Variants in FHIP1A observed in about 807,000 individuals in gnomAD.
FHIP1A encodes the protein FHF complex subunit HOOK interacting protein 1A, also known as FHF complex subunit HOOK-interacting protein 1A.
In FHIP1A, 61 loss-of-function variants were observed where a neutral mutation model predicts 88.6. The ratio of observed to expected loss-of-function variants is 0.69; its 90% CI spans 0.56 to 0.85. FHIP1A has a LOEUF of 0.85. Among genes scored for constraint, FHIP1A ranks in the 40% least tolerant of loss-of-function variants. FHIP1A has a pLI of 0.00. For missense variants in FHIP1A, 1,154 were observed against 1,273.5 expected, an observed-to-expected ratio of 0.91 and a Z score of 1.43; for synonymous variants, 478 against 496.0, an observed-to-expected ratio of 0.96 and a Z score of 0.48.
At chr4:151,524,351 C>G (rs1329933828) in intron 3 of FHIP1A, among the ~76,000 whole-genome samples, 1 of 151,950 alleles carries the variant, frequency 6.6e-6, no homozygotes, top group South Asian at 2.1e-4. Flanking sequence ...TCCTTGCCAT[C>G]CCTCTTAGAT....
chr4:151,513,532 A>C (rs1731114307), intron 3 of FHIP1A, among the ~76,000 whole-genome samples: 1 of 152,210 alleles, frequency 6.6e-6, no homozygotes, highest in Admixed American at 6.5e-5. Context: ...GTCAAGACCC[A>C]TCAGTGTGTT....
chr4:151,633,650 A>T (rs1736238588), intron 8 of FHIP1A, among the ~76,000 whole-genome samples: 1 of 151,968 alleles, frequency 6.6e-6, no homozygotes, highest in Admixed American at 6.6e-5. Context: ...ATACTTCACC[A>T]TATGAAAGTC....
intron 1 of FHIP1A, among the ~76,000 whole-genome samples, chr4:151,438,696 C>T (rs984375988): frequency 2.0e-5 from 3 of 148,778 alleles, no homozygotes; most frequent in African/African-American, 5.0e-5. Flanking sequence ...GGCTGGAGTG[C>T]GGTGGCATGA....
At chr4:151,453,156 C>T (rs1728854254) in intron 1 of FHIP1A, among the ~76,000 whole-genome samples, 1 of 151,720 alleles carries the variant, frequency 6.6e-6, no homozygotes. Flanking sequence ...AGCTGGATTA[C>T]AGGCGCCTTC....
Position 151,629,860 on chromosome 4 carries a change from C to G in FHIP1A, c.1137C>G (p.Thr379=). ...ACACTCTCACGAGTCGAATCAACAC[C>G]CCGTTTCGGGTAAGGAGAGCGCCAG... ...ILDTLTSRIN[T]PFRLCVVSLA... is the part of the protein sequence containing the mutation. Residue 379 remains threonine (T), a synonymous_variant, in exon 8 of 14, where the codon ACC becomes ACG. Transcript: ENST00000435205. 1 of 1,550,994 alleles carries G rather than the reference C, an allele frequency of 6.4e-7. No homozygotes were observed. The highest frequency in any genetic ancestry group is 8.7e-7 in the Non-Finnish European group (1 of 1,146,518).
At chr4:151,605,572 A>G (rs770063442) in intron 7 of FHIP1A, among the ~76,000 whole-genome samples, 1 of 152,200 alleles carries the variant, frequency 6.6e-6, no homozygotes, top group Non-Finnish European at 1.5e-5. Context: ...TTTTTCCACC[A>G]TCTCTTCTGT....
At position 151,579,455 on chromosome 4, in the gene FHIP1A, A is replaced by G. The variant is rs182893432; in HGVS notation, c.732+1379A>G. On this transcript the variant is annotated intron_variant, in intron 5 of 13. Coordinates refer to ENST00000435205, the MANE Select transcript of FHIP1A (RefSeq NM_001109977.3). ...AAAACGGCAGTTTTGAGAGGGAGCTATACGTGGTTTGGGTTTTAGCTTATT... is the reference window on the plus strand; with the variant it reads ...AAAACGGCAGTTTTGAGAGGGAGCTGTACGTGGTTTGGGTTTTAGCTTATT... 1.9e-4 allele frequency among the ~76,000 whole-genome samples: 29 copies of G among 152,292 alleles called. No homozygotes were observed. The East Asian group carries it at 5.0e-3, about 26-fold the overall frequency.
At chr4:151,457,606 T>G (rs947058029) in intron 2 of FHIP1A, among the ~76,000 whole-genome samples, 9 of 152,218 alleles carry the variant, frequency 5.9e-5, no homozygotes, top group African/African-American at 1.4e-4. Flanking sequence ...TTTGACTGAT[T>G]GAGAAATCTT....
chr4:151,424,216 G>C (rs1733282656), intron 1 of FHIP1A, among the ~76,000 whole-genome samples: 1 of 152,190 alleles, frequency 6.6e-6, no homozygotes, highest in Non-Finnish European at 1.5e-5. Flanking sequence ...GGCCTAACTT[G>C]TGAGATGTCC....
At chr4:151,643,682 T>C (rs984303364) in intron 9 of FHIP1A, among the ~76,000 whole-genome samples, 2 of 152,180 alleles carry the variant, frequency 1.3e-5, no homozygotes, top group African/African-American at 4.8e-5. Context: ...AGTGAGAACA[T>C]GTGATATTTG....
intron 3 of FHIP1A, among the ~76,000 whole-genome samples, chr4:151,496,210 T>C (rs1398230767): frequency 6.6e-6 from 1 of 150,782 alleles, no homozygotes; most frequent in Admixed American, 6.6e-5. Context: ...TAATGGAATC[T>C]AGTACATTAA....
At chr4:151,465,202 GAAAAAC>G (rs1729265950) in intron 2 of FHIP1A, among the ~76,000 whole-genome samples, 2 of 151,882 alleles carry the variant, frequency 1.3e-5, no homozygotes, top group Non-Finnish European at 2.9e-5. Context: ...CTCTTTAAAA[GAAAAAC>G]AAAAACAAAA....
Position 151,576,575 on chromosome 4 carries a change from T to C in FHIP1A, c.106-875T>C, listed in dbSNP as rs116064205. ...TACCTTGGCCTCCCAAAGTGCTTAA[T>C]TATCAGCTCTATTTCCAAAACTTTT... On this transcript the variant is annotated intron_variant, in intron 4 of 13. Coordinates refer to ENST00000435205, the MANE Select transcript of FHIP1A (RefSeq NM_001109977.3). Among the ~76,000 whole-genome samples, 467 of 152,316 alleles carry C rather than the reference T, an allele frequency of 3.1e-3. 3 individuals carry two copies. The highest frequency in any genetic ancestry group is 0.011 in the African/African-American group (444 of 41,576).
chr4:151,607,489 C>T (rs370339812), intron 7 of FHIP1A, among the ~76,000 whole-genome samples: 9 of 152,172 alleles, frequency 5.9e-5, no homozygotes, highest in African/African-American at 2.2e-4. Context: ...GTGTAAGAGG[C>T]TTTGACTTGG....
At chr4:151,619,576 C>A (rs1735660114) in intron 7 of FHIP1A, among the ~76,000 whole-genome samples, 1 of 152,152 alleles carries the variant, frequency 6.6e-6, no homozygotes, top group South Asian at 2.1e-4. Flanking sequence ...GAGAATGTTA[C>A]TAGATTACTT....
intron 7 of FHIP1A, among the ~76,000 whole-genome samples, chr4:151,601,300 T>C (rs1734858393): frequency 6.6e-6 from 1 of 151,794 alleles, no homozygotes; most frequent in African/African-American, 2.4e-5. Context: ...TGGGGGGGCA[T>C]AGGGCAAGGT....
In FHIP1A at chr4:151,577,575, A is replaced by G; in HGVS notation, c.231A>G (p.Glu77=). The change falls in exon 5 of 14, where the codon GAA becomes GAG. Residue 77 remains glutamate (E), a synonymous_variant. Transcript: ENST00000435205. The stretch of plus-strand genomic sequence containing the variant: ...AACACATGCTCTTCTTGTTGATTGA[A>G]GAGCAAGCCAAAGATGCTGCAATGG... ...YVEHMLFLLI[E]EQAKDAAMGP... 6.4e-7 allele frequency: 1 copy of G among 1,551,954 alleles called. No individual in the cohort carries two copies. The highest frequency in any genetic ancestry group is 1.2e-5 in the South Asian group (1 of 84,062).
intron 4 of FHIP1A, among the ~76,000 whole-genome samples, chr4:151,570,269 CCTT>C (rs969779048): frequency 5.9e-5 from 9 of 152,248 alleles, no homozygotes; most frequent in South Asian, 2.1e-4. Flanking sequence ...CTTAGGCACT[CCTT>C]CTTCTTTCTG....
chr4:151,562,787 A>G (rs1173946414), intron 3 of FHIP1A, among the ~76,000 whole-genome samples: 1 of 152,184 alleles, frequency 6.6e-6, no homozygotes, highest in African/African-American at 2.4e-5. Flanking sequence ...TAGCTTTTCT[A>G]ATTATTGTAG....
Sources: allele counts gnomAD v4.1 joint callset (sites outside exome capture counted in the v4.1 genomes callset), GRCh38; gene constraint gnomAD v4.1.1; transcripts MANE v1.5; gene names NCBI Gene and HGNC (gene_info 2026-07-23, HGNC 2026-07-21).